PDE11A: variants seen among roughly 807,000 people sequenced by gnomAD.
The protein encoded by PDE11A is phosphodiesterase 11A.
PDE11A carries 100 observed loss-of-function variants against 100.5 expected under a neutral mutation model. That is an observed-to-expected ratio of 1.00 (90% CI 0.85 to 1.18). The LOEUF (loss-of-function observed/expected upper bound fraction) is 1.18. Among genes scored for constraint, PDE11A ranks in the 50% most tolerant of loss-of-function variants. The probability of loss-of-function intolerance (pLI) is 0.00; values close to 1 mark genes in which losing one functional copy is unlikely to be tolerated. For missense variants in PDE11A, 1,141 were observed against 1,152.6 expected, an observed-to-expected ratio of 0.99 and a Z score of 0.15; for synonymous variants, 381 against 420.8, an observed-to-expected ratio of 0.91 and a Z score of 1.16.
At chr2:177,753,401 T>C (rs1898586) in intron 10 of PDE11A, among the ~76,000 whole-genome samples, 77,090 of 151,802 alleles carry the variant, frequency 0.51, 23,107 homozygotes, top group East Asian at 0.85. Context: ...GAGGAAAACC[T>C]TATTTTTCCC....
chr2:177,792,397 C>T (rs2082645493), intron 9 of PDE11A, among the ~76,000 whole-genome samples: 1 of 152,144 alleles, frequency 6.6e-6, no homozygotes, highest in Non-Finnish European at 1.5e-5. Flanking sequence ...TCACTTAAGA[C>T]CATACTTCTG....
At chr2:177,683,093 A>G (rs1453986834) in intron 15 of PDE11A, among the ~76,000 whole-genome samples, 1 of 152,204 alleles carries the variant, frequency 6.6e-6, no homozygotes, top group African/African-American at 2.4e-5. Flanking sequence ...CTTATCACCA[A>G]CTGACCAACT....
At chr2:177,795,646 C>A (rs370571574) in intron 9 of PDE11A, among the ~76,000 whole-genome samples, 1 of 151,910 alleles carries the variant, frequency 6.6e-6, no homozygotes. Context: ...TTGAAGATAA[C>A]CCCAAGCAGG....
At chr2:177,895,317 C>T (rs2084593001) in intron 4 of PDE11A, among the ~76,000 whole-genome samples, 1 of 151,994 alleles carries the variant, frequency 6.6e-6, no homozygotes, top group African/African-American at 2.4e-5. Context: ...CTTTGGGAGG[C>T]CGAGGTGGGT....
chr2:178,107,770 G>A (rs1358789337), intron 1 of PDE11A, among the ~76,000 whole-genome samples: 4 of 144,726 alleles, frequency 2.8e-5, no homozygotes, highest in Non-Finnish European at 4.5e-5. Flanking sequence ...CGCCCAGGCC[G>A]GAGTGCCGTG....
rs369623878 is a variant in PDE11A at position 177,936,785 on chromosome 2, G to A, written c.1072-31598C>T. 6.5e-4 allele frequency among the ~76,000 whole-genome samples: 99 copies of A among 152,114 alleles called. 2 individuals are homozygous for A. The East Asian group carries it at 0.014, about 22-fold the overall frequency. ...AAAGTACAAAAATTAGCTGGGTTTG[G>A]TTGCCAGCGCCTGTAACTCCAGCTA... On this transcript the variant is annotated intron_variant, in intron 2 of 19. Transcript: ENST00000286063.
At chr2:177,692,782 A>T (rs1438055) in intron 15 of PDE11A, among the ~76,000 whole-genome samples, 103,543 of 151,792 alleles carry the variant, frequency 0.68, 38,634 homozygotes, top group East Asian at 0.82. Context: ...ATGCCATTTG[A>T]ATGACATAGA....
Position 177,820,233 on chromosome 2 carries a change from G to T in PDE11A, c.1563C>A (p.Asn521Lys), listed in dbSNP as rs375546228. 1.9e-6 allele frequency: 3 copies of T among 1,545,154 alleles called. No homozygotes were observed. The South Asian group carries it at 3.3e-5, about 17-fold the overall frequency. ...SVLCVPIWNS[N>K]HQIIGVAQVL... is the part of the protein sequence containing the mutation. ...GTCATCTCTTACCAATTATTTGGTGGTTGCTATTCCAAATAGGGACACAAA... is the reference window on the plus strand; with the variant it reads ...GTCATCTCTTACCAATTATTTGGTGTTTGCTATTCCAAATAGGGACACAAA... The change falls in exon 7 of 20, where the codon AAC becomes AAA. Residue 521 changes from asparagine (N) to lysine (K), a missense_variant. Coordinates refer to ENST00000286063, the MANE Select transcript of PDE11A (RefSeq NM_016953.4).
chr2:177,897,770 G>T (rs1423772452), intron 4 of PDE11A, among the ~76,000 whole-genome samples: 1 of 152,154 alleles, frequency 6.6e-6, no homozygotes, highest in Non-Finnish European at 1.5e-5. Context: ...GCTGTGTGAG[G>T]TTGGGCAAAT....
In PDE11A at chr2:178,096,169, C is replaced by CTTTTTTTTTTTTTTTTTTTTTT. The variant is rs71010857; in HGVS notation, c.162+8132_162+8133insAAAAAAAAAAAAAAAAAAAAAA. ...AGAAAACAGGTTTTTCTTTTCTTTT[C>CTTTTTTTTTTTTTTTTTTTTTT]TTTTTTTTTTTTGAGATGGAGTCTC... On this transcript the variant is annotated intron_variant, in intron 2 of 20. Coordinates refer to the PDE11A transcript ENST00000358450. 2.7e-4 allele frequency among the ~76,000 whole-genome samples: 32 copies of CTTTTTTTTTTTTTTTTTTTTTT among 120,096 alleles called. 1 individual carries two copies. The highest frequency in any genetic ancestry group is 4.2e-4 in the Non-Finnish European group (24 of 56,746). 78.8% of individuals were successfully genotyped at this position (120,096 alleles called of 152,430 possible).
At chr2:178,014,863 G>A (rs2086316371) in intron 1 of PDE11A, among the ~76,000 whole-genome samples, 1 of 127,150 alleles carries the variant, frequency 7.9e-6, no homozygotes, top group Non-Finnish European at 1.7e-5. Context: ...TTTATTTCTG[G>A]CCAAAATGAT....
chr2:177,922,601 G>C, intron 2 of PDE11A: 1 of 765,718 alleles, frequency 1.3e-6, no homozygotes, highest in Non-Finnish European at 1.6e-6. Flanking sequence ...TCCCATACCT[G>C]ACATCACTGA....
At chr2:177,794,715 C>T (rs1451530102) in intron 9 of PDE11A, among the ~76,000 whole-genome samples, 1 of 152,130 alleles carries the variant, frequency 6.6e-6, no homozygotes, top group Admixed American at 6.5e-5. Flanking sequence ...ACACCGACCC[C>T]CCAACACACC....
intron 2 of PDE11A, among the ~76,000 whole-genome samples, chr2:177,945,832 G>C (rs1157536761): frequency 9.4e-6 from 1 of 106,708 alleles, no homozygotes; most frequent in Non-Finnish European, 2.2e-5. Context: ...GAGGTGGGGG[G>C]GTCAGCCCCC....
intron 16 of PDE11A, among the ~76,000 whole-genome samples, chr2:177,678,561 C>T (rs539690847): frequency 3.3e-5 from 5 of 152,088 alleles, no homozygotes; most frequent in Non-Finnish European, 5.9e-5. Context: ...TAATAAAAAG[C>T]AGACTGACTT....
intron 15 of PDE11A, among the ~76,000 whole-genome samples, chr2:177,694,306 G>C (rs2081080250): frequency 6.6e-6 from 1 of 152,118 alleles, no homozygotes; most frequent in South Asian, 2.1e-4. Context: ...TGGAAAGATG[G>C]CTTGGGAAAA....
At chr2:177,821,411 T>C (rs1898589) in intron 6 of PDE11A, among the ~76,000 whole-genome samples, 143,550 of 151,650 alleles carry the variant, frequency 0.95, 68,436 homozygotes, top group East Asian at 1. Flanking sequence ...ATATTATCAC[T>C]GCCCCAGAAG....
At chr2:177,711,924 G>A (rs775174050) in intron 12 of PDE11A, 46 bp from the exon 13 acceptor site, 1 of 960,500 alleles carries the variant, frequency 1.0e-6, no homozygotes, top group Non-Finnish European at 1.7e-6. Flanking sequence ...GGGGTACGGA[G>A]GATGGATAAG....
chr2:177,688,579 ATT>A (rs2080993244), intron 15 of PDE11A, among the ~76,000 whole-genome samples: 1 of 99,518 alleles, frequency 1.0e-5, no homozygotes, highest in African/African-American at 3.9e-5. Context: ...GAACTGTATC[ATT>A]AACTTCTCAC....
Sources: gnomAD v4.1 joint callset for allele counts (sites outside exome capture counted in the v4.1 genomes callset) on GRCh38, gnomAD v4.1.1 for gene constraint, MANE v1.5 for transcripts, NCBI Gene and HGNC (gene_info 2026-07-23, HGNC 2026-07-21) for gene names.